JARID2: variants seen among roughly 807,000 people sequenced by gnomAD.
The protein encoded by JARID2 is protein Jumonji.
In JARID2, 21 loss-of-function variants were observed where a neutral mutation model predicts 125.6. The observed-to-expected ratio is 0.17, with a 90% CI of 0.12 to 0.24. The LOEUF is 0.24. JARID2 is among the 10% of genes least tolerant of loss of function. The pLI is 1.00. For synonymous variants in JARID2, 736 were observed against 661.6 expected, an observed-to-expected ratio of 1.11 and a Z score of -1.73; for missense variants, 1,303 against 1,639.6, an observed-to-expected ratio of 0.79 and a Z score of 3.55.
intron 3 of JARID2, among the ~76,000 whole-genome samples, chr6:15,429,106 G>A (rs1349891416): frequency 6.6e-6 from 1 of 152,102 alleles, no homozygotes; most frequent in Non-Finnish European, 1.5e-5. Context: ...TGCTTTCTAG[G>A]CTATGTCCAC....
In JARID2 at chr6:15,311,287, G is replaced by C. The variant is rs188477116; in HGVS notation, c.46-62830G>C. Among the ~76,000 whole-genome samples the C allele has an allele frequency of 4.4e-4, 67 of 152,290 alleles. No homozygotes were observed. The East Asian group carries it at 8.7e-3, about 20-fold the overall frequency. Reference sequence around the variant, plus strand: ...CTGGTACACTTTTACATTAGAAAAAGTCTGAAGAGGCTGGGCACGGTGGCT... The same window carrying C: ...CTGGTACACTTTTACATTAGAAAAACTCTGAAGAGGCTGGGCACGGTGGCT... On this transcript the variant is annotated intron_variant, in intron 1 of 17. Transcript: ENST00000341776.
intron 1 of JARID2, among the ~76,000 whole-genome samples, chr6:15,282,885 GC>G (rs1328164333): frequency 3.0e-4 from 46 of 152,180 alleles, no homozygotes; most frequent in Non-Finnish European, 7.4e-5. Flanking sequence ...ACAGGCGTGA[GC>G]CACCCCGCCC....
intron 1 of JARID2, among the ~76,000 whole-genome samples, chr6:15,293,750 G>T (rs1386919682): frequency 6.6e-6 from 1 of 152,244 alleles, no homozygotes; most frequent in Non-Finnish European, 1.5e-5. Flanking sequence ...CTGTGGGAAT[G>T]TGTCTCCCTG....
At chr6:15,336,085 GTGAA>G (rs5874508) in intron 1 of JARID2, among the ~76,000 whole-genome samples, 110,613 of 149,370 alleles carry the variant, frequency 0.74, 41,085 homozygotes, top group Middle Eastern at 0.76. Flanking sequence ...GTCTCCAAGG[GTGAA>G]TGAATGAATG....
intron 3 of JARID2, among the ~76,000 whole-genome samples, chr6:15,415,145 C>T (rs1766083111): frequency 1.3e-5 from 2 of 152,232 alleles, no homozygotes; most frequent in Non-Finnish European, 2.9e-5. Flanking sequence ...GGTCACCGAT[C>T]AACAGGATCA....
chr6:15,472,866 T>C (rs1291842130), intron 5 of JARID2, among the ~76,000 whole-genome samples: 1 of 152,246 alleles, frequency 6.6e-6, no homozygotes, highest in Non-Finnish European at 1.5e-5. Context: ...AGCAGCGTCA[T>C]AGGGAAGTTT....
intron 1 of JARID2, among the ~76,000 whole-genome samples, chr6:15,271,829 A>G (rs1353627919): frequency 6.6e-6 from 1 of 152,196 alleles, no homozygotes; most frequent in Admixed American, 6.5e-5. Flanking sequence ...GTGAAACCCC[A>G]TCTATACTAA....
intron 2 of JARID2, among the ~76,000 whole-genome samples, chr6:15,405,086 G>C (rs1285446427): frequency 6.6e-6 from 1 of 152,106 alleles, no homozygotes; most frequent in African/African-American, 2.4e-5. Context: ...TCAGCTAAAG[G>C]AATCTTTGGC....
rs1385378933 is a variant in JARID2, at chr6:15,468,163, CTCTG to C, written c.494-375_494-372del. Among the ~76,000 whole-genome samples, 160 of 123,870 alleles carry C rather than the reference CTCTG, an allele frequency of 1.3e-3. 2 individuals carry two copies. Among genetic ancestry groups the C allele is most frequent in the African/African-American group, 2.8e-3 (94 of 33,798 alleles). The allele number at this position is 123,870 out of a possible 152,430, so 81.3% of individuals were successfully genotyped here. Reference sequence around the variant, plus strand: ...TATATTCTGTTTTTACTTCTGTCTTCTCTGTCTTTTTTTTTTTTTTTTTAAGTCT... The same window carrying C: ...TATATTCTGTTTTTACTTCTGTCTTCTCTTTTTTTTTTTTTTTTTAAGTCT... On this transcript the variant is annotated intron_variant, in intron 4 of 17. Transcript: ENST00000341776.
At chr6:15,396,075 T>C (rs953528998) in intron 2 of JARID2, among the ~76,000 whole-genome samples, 1 of 152,242 alleles carries the variant, frequency 6.6e-6, no homozygotes, top group Non-Finnish European at 1.5e-5. Flanking sequence ...GTTTTCAAAA[T>C]ATTCTGAAAA....
intron 1 of JARID2, among the ~76,000 whole-genome samples, chr6:15,349,513 C>T (rs539051415): frequency 1.3e-3 from 200 of 152,230 alleles, no homozygotes; most frequent in African/African-American, 4.5e-3. Context: ...AATTAAAGTG[C>T]ACTGTTTTAG....
intron 3 of JARID2, among the ~76,000 whole-genome samples, chr6:15,413,643 G>T (rs929911740): frequency 2.0e-5 from 3 of 152,146 alleles, no homozygotes; most frequent in Non-Finnish European, 4.4e-5. Flanking sequence ...ATCTGGCTTT[G>T]TTACCCAGGC....
chr6:15,451,902 T>C (rs1450721254), intron 3 of JARID2, 104 bp from the exon 4 acceptor site: 8 of 1,116,528 alleles, frequency 7.2e-6, no homozygotes, highest in Non-Finnish European at 8.7e-6. Context: ...TTGCTTGAAA[T>C]AGGATCTTTT....
At position 15,487,327 on chromosome 6, in the gene JARID2, T is replaced by C. The variant is rs1192037591; in HGVS notation, c.691T>C (p.Ser231Pro). ...TCTAGTTTTCAATGGTTCCAGCAGG[T>C]CAACACGGGAGAAGGAACCTGTTCA... ...NGHVFNGSSRSTREKEPVQKH... is the reference protein window; with the variant it reads ...NGHVFNGSSRPTREKEPVQKH... The change falls in exon 6 of 18, where the codon TCA becomes CCA. Residue 231 changes from serine (S) to proline (P), a missense_variant. By Grantham distance (74) the Ser-to-Pro change is moderately conservative. Coordinates refer to ENST00000341776, the MANE Select transcript of JARID2 (RefSeq NM_004973.4). 1 of 1,614,072 alleles carries C rather than the reference T, an allele frequency of 6.2e-7. No homozygotes were observed. Among genetic ancestry groups the C allele is most frequent in the Admixed American group, 1.7e-5 (1 of 60,010 alleles).
intron 7 of JARID2, among the ~76,000 whole-genome samples, chr6:15,498,431 T>A (rs762586433): frequency 6.6e-6 from 1 of 152,104 alleles, no homozygotes. Flanking sequence ...CATCCTCTCT[T>A]CAGTCCTGCC....
At chr6:15,509,554 C>T in intron 12 of JARID2, among the ~76,000 whole-genome samples, 1 of 145,794 alleles carries the variant, frequency 6.9e-6, no homozygotes, top group South Asian at 2.1e-4. Context: ...AGGCTGTTGC[C>T]TGTGGAGCGG....
chr6:15,410,458 A>C, intron 3 of JARID2, 93 bp downstream of exon 3: 1 of 1,258,382 alleles, frequency 7.9e-7, no homozygotes, highest in Non-Finnish European at 1.1e-6. Flanking sequence ...GAGCCCATTC[A>C]CCCAATCTCT....
chr6:15,308,995 C>A (rs1349206585), intron 1 of JARID2, among the ~76,000 whole-genome samples: 1 of 152,196 alleles, frequency 6.6e-6, no homozygotes, highest in Admixed American at 6.5e-5. Context: ...GACTGCCCTT[C>A]CTGTGAAGCT....
chr6:15,478,672 T>TTTTTG (rs1207987218), intron 5 of JARID2, among the ~76,000 whole-genome samples: 1 of 151,966 alleles, frequency 6.6e-6, no homozygotes, highest in Non-Finnish European at 1.5e-5. Flanking sequence ...GAATTTAGGT[T>TTTTTG]TTTTGTTTTG....
Sources: allele counts gnomAD v4.1 joint callset (sites outside exome capture counted in the v4.1 genomes callset), GRCh38; gene constraint gnomAD v4.1.1; transcripts MANE v1.5; gene names NCBI Gene and HGNC (gene_info 2026-07-23, HGNC 2026-07-21).